Variants in LYPLAL1 observed in about 807,000 individuals in gnomAD.
LYPLAL1 encodes lysophospholipase like 1, also known as lysophospholipase-like protein 1.
Under a neutral mutation model 19.7 loss-of-function variants are expected in LYPLAL1, and 23 were observed. The ratio of observed to expected loss-of-function variants is 1.17; its 90% confidence interval spans 0.84 to 1.65. The LOEUF (loss-of-function observed/expected upper bound fraction) is 1.65. Among genes scored for constraint, LYPLAL1 ranks in the 40% most tolerant of loss-of-function variants. The pLI, the probability that LYPLAL1 is intolerant of heterozygous loss-of-function variation, is 0.00. For synonymous variants in LYPLAL1, 119 were observed against 96.3 expected (o/e 1.24, Z -1.38); for missense variants, 355 against 279.4 (o/e 1.27, Z -1.93).
the LYPLAL1 span, among the ~76,000 whole-genome samples, chr1:219,419,594 C>CACACAGAGAGAGAGAG: frequency 2.6e-4 from 26 of 99,600 alleles, 1 homozygote; most frequent in South Asian, 1.6e-3. Context: ...CACACACACA[C>CACACAGAGAGAGAGAG]AGAGAGAGAG....
the LYPLAL1 span, among the ~76,000 whole-genome samples, chr1:219,360,755 C>A: frequency 6.6e-6 from 1 of 152,100 alleles, no homozygotes; most frequent in Non-Finnish European, 1.5e-5. Flanking sequence ...TGGACCTCTT[C>A]CCATGAAGGC....
the LYPLAL1 span, among the ~76,000 whole-genome samples, chr1:219,308,653 A>ATGGCAGCT: frequency 1.3e-5 from 2 of 152,190 alleles, no homozygotes; most frequent in African/African-American, 4.8e-5. Context: ...GCCTCAAGCC[A>ATGGCAGCT]TGGCAGCTTC....
chr1:219,416,673 T>A, the LYPLAL1 span, among the ~76,000 whole-genome samples: 1 of 152,212 alleles, frequency 6.6e-6, no homozygotes, highest in Non-Finnish European at 1.5e-5. Context: ...GAAGGGGCCA[T>A]AACTTCTGGA....
chr1:219,360,366 C>G, the LYPLAL1 span, among the ~76,000 whole-genome samples: 5 of 152,106 alleles, frequency 3.3e-5, no homozygotes, highest in Admixed American at 1.3e-4. Flanking sequence ...TGCCATAGTT[C>G]TCTTCAGATT....
chr1:219,251,518 A>G, the LYPLAL1 span, among the ~76,000 whole-genome samples: 1 of 149,290 alleles, frequency 6.7e-6, no homozygotes, highest in Non-Finnish European at 1.5e-5. Flanking sequence ...TCCTAGCATC[A>G]TTTATTAAAT....
At chr1:219,314,690 C>A in the LYPLAL1 span, among the ~76,000 whole-genome samples, 1 of 152,308 alleles carries the variant, frequency 6.6e-6, no homozygotes, top group Non-Finnish European at 1.5e-5. Context: ...CCTCGGCCTC[C>A]CAAAGTGCAG....
the LYPLAL1 span, among the ~76,000 whole-genome samples, chr1:219,440,027 A>G: frequency 3.2e-3 from 472 of 145,316 alleles, 4 homozygotes; most frequent in African/African-American, 0.012. Flanking sequence ...ACACACACAT[A>G]TATATATATA....
the LYPLAL1 span, among the ~76,000 whole-genome samples, chr1:219,224,777 G>A: frequency 6.6e-6 from 1 of 152,122 alleles, no homozygotes; most frequent in Non-Finnish European, 1.5e-5. Flanking sequence ...CTCTGCCTCA[G>A]TGTGATAGCA....
chr1:219,192,343 G>T (rs1657247693), intron 2 of LYPLAL1, among the ~76,000 whole-genome samples: 1 of 151,638 alleles, frequency 6.6e-6, no homozygotes, highest in African/African-American at 2.4e-5. Context: ...AGTAGAGGAG[G>T]TATTGGTGTG....
chr1:219,411,063 C>T, the LYPLAL1 span, among the ~76,000 whole-genome samples: 1 of 152,228 alleles, frequency 6.6e-6, no homozygotes, highest in Non-Finnish European at 1.5e-5. Flanking sequence ...TGGCAGGCAG[C>T]TCCACCTGCA....
the LYPLAL1 span, among the ~76,000 whole-genome samples, chr1:219,323,727 G>A: frequency 2.0e-5 from 3 of 152,096 alleles, no homozygotes; most frequent in Non-Finnish European, 4.4e-5. Context: ...AGGGAAGAGG[G>A]CAAAGGCAAA....
chr1:219,289,126 C>T, the LYPLAL1 span, among the ~76,000 whole-genome samples: 1 of 139,902 alleles, frequency 7.1e-6, no homozygotes, highest in East Asian at 2.1e-4. Flanking sequence ...AGGCACAGGA[C>T]CCGAGGATGT....
chr1:219,308,893 AG>A, the LYPLAL1 span, among the ~76,000 whole-genome samples: 5 of 152,208 alleles, frequency 3.3e-5, no homozygotes, highest in Admixed American at 2.0e-4. Context: ...CTGTGAGAAG[AG>A]AGCCAGCGTT....
the LYPLAL1 span, among the ~76,000 whole-genome samples, chr1:219,332,750 T>TA: frequency 8.0e-5 from 12 of 150,788 alleles, no homozygotes; most frequent in African/African-American, 2.2e-4. Flanking sequence ...TGTTTTTTTT[T>TA]AAAGCATAAA....
chr1:219,234,157 G>T, the LYPLAL1 span, among the ~76,000 whole-genome samples: 1 of 152,134 alleles, frequency 6.6e-6, no homozygotes, highest in Non-Finnish European at 1.5e-5. Context: ...ATTTGAGAAT[G>T]AATTTATGTA....
chr1:219,204,257 A>T (rs1658361111), intron 3 of LYPLAL1, among the ~76,000 whole-genome samples: 1 of 152,212 alleles, frequency 6.6e-6, no homozygotes, highest in South Asian at 2.1e-4. Context: ...TTACTTTTCG[A>T]AAGTTGGCAG....
chr1:219,241,134 C>CTCTCTATATA, the LYPLAL1 span, among the ~76,000 whole-genome samples: 65 of 44,342 alleles, frequency 1.5e-3, no homozygotes, highest in African/African-American at 2.7e-3. Context: ...CTCTCTCTCT[C>CTCTCTATATA]TATATATATA....
rs185931830 is a variant in LYPLAL1 at position 219,208,027 on chromosome 1, G to A, written c.362-2505G>A. Among the ~76,000 whole-genome samples the A allele has an allele frequency of 8.5e-5, 13 of 152,058 alleles. 1 individual carries two copies. The highest frequency in any genetic ancestry group is 7.9e-4 in the Admixed American group (12 of 15,266). ...TCACATTCTCTCCTATTTTAGAGAT[G>A]TAGTTTTATTATTAACAGTGTGTTT... On this transcript the variant is annotated intron_variant, in intron 3 of 4. Coordinates refer to ENST00000366928, the MANE Select transcript of LYPLAL1 (RefSeq NM_138794.5).
chr1:219,293,055 T>C, the LYPLAL1 span, among the ~76,000 whole-genome samples: 300 of 152,320 alleles, frequency 2.0e-3, 2 homozygotes, highest in African/African-American at 6.9e-3. Flanking sequence ...GTAGATTCAG[T>C]GGTAAGGAAA....
Sources: allele counts gnomAD v4.1 joint callset (sites outside exome capture counted in the v4.1 genomes callset), GRCh38; gene constraint gnomAD v4.1.1; transcripts MANE v1.5; gene names NCBI Gene and HGNC (gene_info 2026-07-23, HGNC 2026-07-21).